The following PDIA6 variants were observed in gnomAD, a reference collection of about 807,000 sequenced individuals.
PDIA6 encodes the protein protein disulfide-isomerase A6.
PDIA6 carries 29 observed loss-of-function variants against 58.4 expected under a neutral mutation model. The ratio of observed to expected loss-of-function variants is 0.50; its 90% confidence interval spans 0.37 to 0.68. The LOEUF is 0.68. Ranked by LOEUF, PDIA6 falls within the 30% of genes least tolerant of loss-of-function variation. The pLI is 0.00. For missense variants in PDIA6, 480 were observed against 551.0 expected, an observed-to-expected ratio of 0.87 and a Z score of 1.29; for synonymous variants, 192 against 202.6, an observed-to-expected ratio of 0.95 and a Z score of 0.44.
At chr2:10,814,244 A>C (rs1667120995), upstream of PDIA6, among the ~76,000 whole-genome samples, 2 of 152,172 alleles carry the variant, frequency 1.3e-5, no homozygotes, top group African/African-American at 2.4e-5. Context: ...TGCGTTTGGA[A>C]GATTTTTCAG....
At chr2:10,834,961 T>C (rs1318796031), upstream of PDIA6, among the ~76,000 whole-genome samples, 9 of 151,886 alleles carry the variant, frequency 5.9e-5, no homozygotes, top group Admixed American at 5.9e-4. Context: ...AGAGACAGGG[T>C]TTCACCATGT....
chr2:10,837,538 C>T (rs902600834), exon 1 of PDIA6: 3 of 723,208 alleles, frequency 4.1e-6, no homozygotes, highest in South Asian at 1.5e-5. Flanking sequence ...ATCCGAGCGC[C>T]GTGCAAGTAT....
intron 11 of PDIA6, among the ~76,000 whole-genome samples, chr2:10,785,426 G>C (rs141702481): frequency 7.2e-5 from 11 of 152,354 alleles, no homozygotes; most frequent in African/African-American, 2.4e-4. Flanking sequence ...GAGGCGACTG[G>C]TTCCAGTGCG....
upstream of PDIA6, among the ~76,000 whole-genome samples, chr2:10,836,923 G>A (rs1572716697): frequency 6.6e-6 from 1 of 152,184 alleles, no homozygotes; most frequent in African/African-American, 2.4e-5. Flanking sequence ...CTGATGAGCT[G>A]TGTGAGCACA....
intron 1 of PDIA6, among the ~76,000 whole-genome samples, chr2:10,804,009 C>T (rs575380078): frequency 3.3e-5 from 5 of 151,294 alleles, no homozygotes; most frequent in South Asian, 2.1e-4. Context: ...CCCGGGTTCA[C>T]GCCATTCTCC....
chr2:10,820,952 G>A (rs1246333244), intron 1 of PDIA6: 1 of 678,770 alleles, frequency 1.5e-6, no homozygotes, highest in Non-Finnish European at 2.7e-6. Flanking sequence ...GCCACTTCAG[G>A]ACCTGGGTTT....
At chr2:10,817,981 G>C in intron 2 of PDIA6, among the ~76,000 whole-genome samples, 1 of 151,334 alleles carries the variant, frequency 6.6e-6, no homozygotes, top group African/African-American at 2.5e-5. Flanking sequence ...ATCCGACAGG[G>C]GACATGTACC....
intron 3 of PDIA6, 42 bp from the exon 4 acceptor site, chr2:10,797,249 A>C: frequency 6.3e-7 from 1 of 1,590,832 alleles, no homozygotes; most frequent in Non-Finnish European, 8.5e-7. Context: ...CCTTCCGCTA[A>C]AGCAGACTCC....
intron 1 of PDIA6, among the ~76,000 whole-genome samples, chr2:10,820,481 A>C (rs529713278): frequency 6.6e-6 from 1 of 152,200 alleles, no homozygotes; most frequent in Non-Finnish European, 1.5e-5. Context: ...CATGGTGGAC[A>C]TGTCCAGCCC....
chr2:10,820,456 G>C (rs529798227), intron 1 of PDIA6, among the ~76,000 whole-genome samples: 1 of 152,292 alleles, frequency 6.6e-6, no homozygotes, highest in Non-Finnish European at 1.5e-5. Context: ...ACAAAGAAGG[G>C]GAAGATGGAG....
At chr2:10,789,912 T>C (rs767046340) in intron 7 of PDIA6, 23 bp from the exon 8 acceptor site, 2 of 1,599,736 alleles carry the variant, frequency 1.3e-6, no homozygotes, top group Non-Finnish European at 1.7e-6. Flanking sequence ...GGTCAGAGGA[T>C]AAAATCCAAT....
rs186196701 is a variant in PDIA6, at chr2:10,803,965, T to C, written c.20-1325A>G. ...GCTCTGTCACCCAGGCTGGAGTGCA[T>C]TGGCGCTATCTCGGCTCACTGCAAG... On this transcript the variant is annotated intron_variant, in intron 1 of 12. Coordinates refer to ENST00000272227, the MANE Select transcript of PDIA6 (RefSeq NM_005742.4). 4.1e-4 allele frequency among the ~76,000 whole-genome samples: 60 copies of C among 145,734 alleles called. 1 individual carries two copies. In the East Asian group the frequency reaches 5.1e-3, roughly 12 times the overall value.
intron 1 of PDIA6, among the ~76,000 whole-genome samples, chr2:10,824,485 T>G (rs550483547): frequency 1.3e-5 from 2 of 152,354 alleles, no homozygotes; most frequent in Middle Eastern, 3.4e-3. Flanking sequence ...CAATAGCCAC[T>G]AAGCCAAGTG....
At chr2:10,787,540 C>T (rs1185843039) in intron 10 of PDIA6, 101 bp from the exon 11 acceptor site, 7 of 1,080,990 alleles carry the variant, frequency 6.5e-6, no homozygotes, top group East Asian at 2.5e-5. Flanking sequence ...TCAGATATTT[C>T]GTAGAATGAC....
chr2:10,796,992 C>A, intron 4 of PDIA6, 89 bp downstream of exon 4: 3 of 1,090,370 alleles, frequency 2.8e-6, no homozygotes, highest in Non-Finnish European at 4.2e-6. Flanking sequence ...AGGTTGAGAA[C>A]CTTGCAGGTA....
chr2:10,830,776 C>T (rs1667689179), intron 1 of PDIA6, among the ~76,000 whole-genome samples: 2 of 152,190 alleles, frequency 1.3e-5, no homozygotes. Flanking sequence ...GTGGCTGTGC[C>T]CCTGGACACA....
chr2:10,784,134 G>A lies in PDIA6; in HGVS notation c.*124C>T, dbSNP rs781657625. ...GCAGTGTTTTCAAATGACCAATCAA[G>A]TACTACTTCTTGGTTAAAAGGCCAC... On this transcript the variant is annotated 3_prime_UTR_variant, in exon 13 of 13. Coordinates refer to ENST00000272227, the MANE Select transcript of PDIA6 (RefSeq NM_005742.4). The A allele has an allele frequency of 1.0e-4, 59 of 582,218 alleles. No homozygotes were observed. The highest frequency in any genetic ancestry group is 1.6e-4 in the Non-Finnish European group (54 of 337,406). 36.1% of individuals were successfully genotyped at this position (582,218 alleles called of 1,614,324 possible).
chr2:10,785,485 A>G (rs1034546646), intron 11 of PDIA6, among the ~76,000 whole-genome samples: 3 of 152,218 alleles, frequency 2.0e-5, no homozygotes, highest in Non-Finnish European at 2.9e-5. Context: ...TACTTGAAAC[A>G]TACCAGACCT....
At chr2:10,795,065 A>G (rs1165111586) in intron 4 of PDIA6, among the ~76,000 whole-genome samples, 3 of 152,220 alleles carry the variant, frequency 2.0e-5, no homozygotes, top group Non-Finnish European at 4.4e-5. Context: ...CCTCAACATG[A>G]AACAGCCTCT....
Sources: gnomAD v4.1 joint callset for allele counts (sites outside exome capture counted in the v4.1 genomes callset) on GRCh38, gnomAD v4.1.1 for gene constraint, MANE v1.5 for transcripts, NCBI Gene and HGNC (gene_info 2026-07-23, HGNC 2026-07-21) for gene names.